The following BRD10 variants were observed in gnomAD, a reference collection of about 807,000 sequenced individuals.
The protein encoded by BRD10 is uncharacterized bromodomain-containing protein 10.
At chr9:5,986,468 T>C in the BRD10 span, among the ~76,000 whole-genome samples, 1 of 152,232 alleles carries the variant, frequency 6.6e-6, no homozygotes, top group African/African-American at 2.4e-5. Flanking sequence ...GAATGATTTA[T>C]ATTCCTTTGG....
chr9:5,959,157 G>C, the BRD10 span, among the ~76,000 whole-genome samples: 4 of 152,064 alleles, frequency 2.6e-5, no homozygotes, highest in Non-Finnish European at 5.9e-5. Flanking sequence ...TCTCAAAATA[G>C]AATTTTCTTC....
At chr9:6,007,356 C>G in the BRD10 span, 3 of 1,613,468 alleles carry the variant, frequency 1.9e-6, no homozygotes, top group East Asian at 2.2e-5. Context: ...TGGCGAACTT[C>G]TCTTCCATCT....
the BRD10 span, among the ~76,000 whole-genome samples, chr9:5,917,720 G>A: frequency 1.1e-4 from 17 of 152,316 alleles, no homozygotes; most frequent in Middle Eastern, 3.4e-3. Context: ...GGCTATGGTG[G>A]TGCACACCTG....
At chr9:5,900,810 T>C in the BRD10 span, among the ~76,000 whole-genome samples, 2 of 152,246 alleles carry the variant, frequency 1.3e-5, no homozygotes, top group African/African-American at 2.4e-5. Flanking sequence ...ACAGTGGTTT[T>C]TATATTAACC....
chr9:5,981,902 G>A, the BRD10 span, among the ~76,000 whole-genome samples: 5 of 152,074 alleles, frequency 3.3e-5, no homozygotes, highest in Admixed American at 6.6e-5. Context: ...GTTGTTAAGA[G>A]ATAAAAGACC....
At chr9:5,999,404 CAT>C in the BRD10 span, among the ~76,000 whole-genome samples, 2 of 151,956 alleles carry the variant, frequency 1.3e-5, no homozygotes, top group Non-Finnish European at 2.9e-5. Context: ...CTAAAAGAAA[CAT>C]AGTCAAACGC....
At chr9:5,934,881 T>C in the BRD10 span, among the ~76,000 whole-genome samples, 20 of 152,320 alleles carry the variant, frequency 1.3e-4, no homozygotes, top group Admixed American at 8.5e-4. Context: ...AGTATTTTAA[T>C]AAACTAATTA....
the BRD10 span, among the ~76,000 whole-genome samples, chr9:5,978,226 A>G: frequency 6.6e-6 from 1 of 152,172 alleles, no homozygotes; most frequent in African/African-American, 2.4e-5. Context: ...TATTTTAGCC[A>G]TGCACGATTT....
the BRD10 span, among the ~76,000 whole-genome samples, chr9:5,989,484 C>T: frequency 6.7e-6 from 1 of 149,834 alleles, no homozygotes; most frequent in Non-Finnish European, 1.5e-5. Context: ...AGTTATATTT[C>T]CCTGCTTTCC....
the BRD10 span, among the ~76,000 whole-genome samples, chr9:5,979,986 G>C: frequency 1.1e-4 from 15 of 134,814 alleles, no homozygotes; most frequent in East Asian, 3.0e-3. Context: ...CTGCACTACA[G>C]CCTGGGCAAC....
At chr9:5,944,354 A>G in the BRD10 span, among the ~76,000 whole-genome samples, 2 of 152,064 alleles carry the variant, frequency 1.3e-5, no homozygotes, top group Non-Finnish European at 2.9e-5. Flanking sequence ...GAAAGTAAAG[A>G]TTAATTATAA....
At chr9:5,931,875 G>A in the BRD10 span, among the ~76,000 whole-genome samples, 1 of 152,252 alleles carries the variant, frequency 6.6e-6, no homozygotes, top group East Asian at 1.9e-4. Flanking sequence ...GTTTAAAAAA[G>A]TTGAAAATTA....
chr9:5,945,225 G>A, the BRD10 span, among the ~76,000 whole-genome samples: 3 of 152,002 alleles, frequency 2.0e-5, no homozygotes, highest in Middle Eastern at 3.4e-3. Flanking sequence ...TTTATAATTC[G>A]GGTACTTTCT....
the BRD10 span, among the ~76,000 whole-genome samples, chr9:5,890,180 G>A: frequency 1.4e-4 from 22 of 152,298 alleles, no homozygotes; most frequent in African/African-American, 5.3e-4. Flanking sequence ...CGTGATGATT[G>A]GGTTTCCATG....
chr9:5,906,633 G>T, the BRD10 span, among the ~76,000 whole-genome samples: 1 of 152,280 alleles, frequency 6.6e-6, no homozygotes, highest in Admixed American at 6.5e-5. Flanking sequence ...ACCAACTATT[G>T]GGTCCCAGGT....
the BRD10 span, among the ~76,000 whole-genome samples, chr9:5,903,391 A>G: frequency 1.3e-5 from 2 of 152,110 alleles, no homozygotes; most frequent in Non-Finnish European, 2.9e-5. Flanking sequence ...TTCCTTTTAT[A>G]TATTGTTAGG....
the BRD10 span, among the ~76,000 whole-genome samples, chr9:5,959,708 G>C: frequency 6.6e-6 from 1 of 152,030 alleles, no homozygotes; most frequent in Non-Finnish European, 1.5e-5. Flanking sequence ...TCACAGATAC[G>C]GGCCTGGAAA....
At chr9:5,965,930 T>C in the BRD10 span, among the ~76,000 whole-genome samples, 1 of 152,198 alleles carries the variant, frequency 6.6e-6, no homozygotes, top group Non-Finnish European at 1.5e-5. Context: ...TTAGCTGTTA[T>C]TATAACAGTT....
chr9:5,971,139 C>G, the BRD10 span, among the ~76,000 whole-genome samples: 1 of 128,652 alleles, frequency 7.8e-6, no homozygotes, highest in Non-Finnish European at 1.7e-5. Flanking sequence ...ACAAAATGAA[C>G]AACAAAAGCA....
Sources: gnomAD v4.1 joint callset for allele counts (sites outside exome capture counted in the v4.1 genomes callset) on GRCh38, gnomAD v4.1.1 for gene constraint, MANE v1.5 for transcripts, NCBI Gene and HGNC (gene_info 2026-07-23, HGNC 2026-07-21) for gene names.